ISYNA1: variants seen among roughly 807,000 people sequenced by gnomAD.
The protein encoded by ISYNA1 is MI-1-P synthase.
ISYNA1 carries 34 observed loss-of-function variants against 50.3 expected under a neutral mutation model. That is an observed-to-expected ratio of 0.68 (90% confidence interval 0.51 to 0.90). The LOEUF (loss-of-function observed/expected upper bound fraction) is 0.90. ISYNA1 is among the 40% of genes least tolerant of loss of function. The pLI is 0.00. For synonymous variants in ISYNA1, 396 were observed against 349.9 expected (o/e 1.13, Z -1.47); for missense variants, 718 against 784.8 (o/e 0.91, Z 1.02).
At position 18,438,098 on chromosome 19, in the gene ISYNA1, CAG is replaced by C. The variant is rs1263638488; in HGVS notation, c.-17_-16del. ...CTGCCCCGAACCGCACTCACCGGCG[CAG>C]AGTCGACTCAGGCAGCGGCGGCGGA... On this transcript the variant is annotated 5_prime_UTR_variant, in exon 1 of 11. Transcript: ENST00000338128. 9.0e-7 allele frequency: 1 copy of C among 1,109,808 alleles called. No homozygotes were observed. Among genetic ancestry groups the C allele is most frequent in the Non-Finnish European group, 1.2e-6 (1 of 826,868 alleles). 68.7% of individuals were successfully genotyped at this position (1,109,808 alleles called of 1,614,324 possible).
rs762837471 is a variant in ISYNA1, at chr19:18,434,873, C to T, written c.*40G>A. 8 of 1,553,538 alleles carry T rather than the reference C, an allele frequency of 5.1e-6. No homozygotes were observed. Among genetic ancestry groups the T allele is most frequent in the Non-Finnish European group, 4.4e-6 (5 of 1,128,174 alleles). ...GCCTTCAAGGTAGGGTCGTGGGGGGCAGCGGGGAGGAAGAGCCGAGAAACT... is the reference window on the plus strand; with the variant it reads ...GCCTTCAAGGTAGGGTCGTGGGGGGTAGCGGGGAGGAAGAGCCGAGAAACT... On this transcript the variant is annotated 3_prime_UTR_variant, in exon 11 of 11. Coordinates refer to ENST00000338128, the MANE Select transcript of ISYNA1 (RefSeq NM_016368.5).
At position 18,435,706 on chromosome 19, in the gene ISYNA1, C is replaced by T. The variant is rs1973971481; in HGVS notation, c.1141-30G>A. 1.9e-6 allele frequency: 3 copies of T among 1,611,106 alleles called. No individual in the cohort carries two copies. In the East Asian group the frequency reaches 6.7e-5, roughly 36 times the overall value. ...AGTGCAGCAGGAGTTTGCCCGGGTC[C>T]CTGCCACCCCTCGCCGGGCAACCCC... On this transcript the variant is annotated intron_variant, in intron 8 of 10. Transcript: ENST00000338128.
In ISYNA1 at chr19:18,434,912, C is replaced by T. The variant is rs1973887783; in HGVS notation, c.*1G>A. 6.2e-7 allele frequency: 1 copy of T among 1,611,954 alleles called. No homozygotes were observed. On this transcript the variant is annotated 3_prime_UTR_variant, in exon 11 of 11. Coordinates refer to ENST00000338128, the MANE Select transcript of ISYNA1 (RefSeq NM_016368.5). ...AGCCGAGAAACTGTGTGACCGGGGC[C>T]TCAGGTGGTGGGCATTGGGGGCTCC...
intron 8 of ISYNA1, 37 bp downstream of exon 8, chr19:18,435,720 C>A (rs1973973157): frequency 6.2e-7 from 1 of 1,610,554 alleles, no homozygotes; most frequent in African/African-American, 1.3e-5. Context: ...CCACCCCTCG[C>A]CGGGCAACCC....
In ISYNA1 at chr19:18,434,420, C is replaced by T. The variant is rs531981814; in HGVS notation, c.*493G>A. ...ACCATTTTATTAAAAACGCAAGGAC[C>T]TCAGAGACGTTCTTTTCTGTATGGA... On this transcript the variant is annotated 3_prime_UTR_variant, in exon 11 of 11. Transcript: ENST00000338128. 10 of 1,221,576 alleles carry T rather than the reference C, an allele frequency of 8.2e-6. No individual in the cohort carries two copies. Among genetic ancestry groups the T allele is most frequent in the Middle Eastern group, 2.9e-4 (1 of 3,482 alleles). 75.7% of individuals were successfully genotyped at this position (1,221,576 alleles called of 1,614,324 possible).
Position 18,434,933 on chromosome 19 carries a change from G to T in ISYNA1, c.1657C>A (p.Pro553Thr), listed in dbSNP as rs752559696. 17 of 1,612,998 alleles carry T rather than the reference G, an allele frequency of 1.1e-5. No individual in the cohort carries two copies. Among genetic ancestry groups the T allele is most frequent in the Middle Eastern group, 1.7e-4 (1 of 5,812 alleles). ...GGGCCTCAGGTGGTGGGCATTGGGG[G>T]CTCCTCTTGCAGATGCCCATTGGCA... ...GDANGHLQEE[P>T]PMPTT Residue 553 changes from proline to threonine, a missense_variant, in exon 11 of 11, where the codon CCC (proline) becomes ACC (threonine). Pro to Thr is a conservative substitution (Grantham distance 38, BLOSUM62 -1). Around this residue, in one of 3 missense-constraint regions of ISYNA1, gnomAD observed 305 missense variants for 292.6 expected, o/e 1.04. Transcript: ENST00000338128.
Position 18,435,632 on chromosome 19 carries a change from C to T in ISYNA1, c.1185G>A (p.Ala395=), listed in dbSNP as rs747699372. ...TCAGCTCCGAGGTATACTCATCCAG[C>T]GCGCGCTTGCTGTCACCCACGTACG... ...YVPYVGDSKR[A]LDEYTSELML... The change falls in exon 9 of 11, where the codon GCG becomes GCA. Residue 395 remains alanine (A), a synonymous_variant. Coordinates refer to ENST00000338128, the MANE Select transcript of ISYNA1 (RefSeq NM_016368.5). 6.2e-6 allele frequency: 10 copies of T among 1,611,164 alleles called. No homozygotes were observed. Among genetic ancestry groups the T allele is most frequent in the Admixed American group, 3.3e-5 (2 of 59,754 alleles).
Position 18,437,945 on chromosome 19 carries a change from G to C in ISYNA1, c.35C>G (p.Pro12Arg), listed in dbSNP as rs745925925. The change falls in exon 2 of 11, where the codon CCG becomes CGG. Residue 12 changes from proline to arginine, a missense_variant. Physicochemically the swap from Pro to Arg is moderately radical, Grantham distance 103 (BLOSUM62 -2). This residue lies in a region of ISYNA1 where 403 missense variants were observed against 466.6 expected (regional missense o/e 0.86). Transcript: ENST00000338128. ...EAAAQFFVES[P>R]DVVYGPEAIE... Reference sequence around the variant, plus strand: ...GGCCTCGGGGCCGTAGACCACGTCCGGGCTCTCGACGAAGAACTGGGCGGC... The same window carrying C: ...GGCCTCGGGGCCGTAGACCACGTCCCGGCTCTCGACGAAGAACTGGGCGGC... 32 of 1,604,474 alleles carry C rather than the reference G, an allele frequency of 2.0e-5. No individual in the cohort carries two copies. The highest frequency in any genetic ancestry group is 2.6e-5 in the Non-Finnish European group (31 of 1,176,762).
rs757692402 is a variant in ISYNA1, at chr19:18,435,794, G to T, written c.1103C>A (p.Pro368Gln). 6.2e-7 allele frequency: 1 copy of T among 1,613,690 alleles called. No individual in the cohort carries two copies. The highest frequency in any genetic ancestry group is 8.5e-7 in the Non-Finnish European group (1 of 1,179,928). The stretch of plus-strand genomic sequence containing the variant: ...CTCTTCGCCGGGCGTATAGAGCACT[G>T]GGTTGCTCTGCACCATGTCGTCCAC... ...NVVDDMVQSN[P>Q]VLYTPGEEPD... The change falls in exon 8 of 11, where the codon CCA (proline) becomes CAA (glutamine). Residue 368 changes from proline (P) to glutamine (Q), a missense_variant. Pro to Gln is a moderately conservative substitution (Grantham distance 76). Coordinates refer to ENST00000338128, the MANE Select transcript of ISYNA1 (RefSeq NM_016368.5).
In ISYNA1 at chr19:18,436,192, C is replaced by T; in HGVS notation, c.815G>A (p.Gly272Asp). 1 of 1,611,426 alleles carries T rather than the reference C, an allele frequency of 6.2e-7. No individual in the cohort carries two copies. Among genetic ancestry groups the T allele is most frequent in the African/African-American group, 1.3e-5 (1 of 75,076 alleles). Reference protein sequence around the residue: ...TLFAVASILEGCAFLNGSPQN... With the variant: ...TLFAVASILEDCAFLNGSPQN... ...CGGAGACCCATTGAGGAAGGCACAG[C>T]CCTCCAGGATGCTGGCCACGGCGAA... Residue 272 changes from glycine to aspartate, a missense_variant, in exon 7 of 11, where the codon GGC (glycine) becomes GAC (aspartate). Around this residue, in one of 3 missense-constraint regions of ISYNA1, gnomAD observed 403 missense variants for 466.6 expected, o/e 0.86. Transcript: ENST00000338128.
chr19:18,436,501 T>A, intron 5 of ISYNA1, 22 bp from the exon 6 acceptor site: 1 of 1,601,568 alleles, frequency 6.2e-7, no homozygotes, highest in Non-Finnish European at 8.5e-7. Flanking sequence ...ATGGTGAGGG[T>A]GTGGGGAGGA....
Position 18,434,478 on chromosome 19 carries a change from G to C in ISYNA1, c.*435C>G, listed in dbSNP as rs574934198. 213 of 889,168 alleles carry C rather than the reference G, an allele frequency of 2.4e-4. 2 individuals carry two copies. In the South Asian group the frequency reaches 5.2e-3, roughly 22 times the overall value. 55.1% of individuals were successfully genotyped at this position (889,168 alleles called of 1,614,324 possible). On this transcript the variant is annotated 3_prime_UTR_variant, in exon 11 of 11. Transcript: ENST00000338128. ...TGCCATTTGTATTTTGTCCCAGAGA[G>C]AAAGGCTCTTTGGGGGGCCCCTCTC...
rs1331905444 is a variant in ISYNA1, at chr19:18,436,042, G to A, written c.965C>T (p.Ser322Phe). The change falls in exon 7 of 11, where the codon TCC becomes TTC. Residue 322 changes from serine (S) to phenylalanine (F), a missense_variant. Ser to Phe is a radical substitution (Grantham distance 155, BLOSUM62 -2). This residue lies in a region of ISYNA1 where 403 missense variants were observed against 466.6 expected (regional missense o/e 0.86). Transcript: ENST00000338128. ...CCTAGGCCCACGCACCTTGAGGCCG[G>A]AGCCAATGAGGAAGTCCACAAGCAC... is the stretch of plus-strand genomic sequence containing the variant. ...KSVLVDFLIGSGLKTMSIVSY... is the reference protein window; with the variant it reads ...KSVLVDFLIGFGLKTMSIVSY... The A allele has an allele frequency of 6.2e-7, 1 of 1,613,404 alleles. No individual in the cohort carries two copies. The highest frequency in any genetic ancestry group is 1.1e-5 in the South Asian group (1 of 91,082).
intron 2 of ISYNA1, 48 bp downstream of exon 2, chr19:18,437,812 C>T: frequency 1.2e-6 from 2 of 1,606,350 alleles, no homozygotes; most frequent in Non-Finnish European, 1.7e-6. Flanking sequence ...TCTCCCCGAG[C>T]CGCCCCGCTC....
At chr19:18,435,183 A>G (rs1973916896) in intron 10 of ISYNA1, 66 bp from the exon 11 acceptor site, 5 of 1,596,302 alleles carry the variant, frequency 3.1e-6, no homozygotes. Context: ...TATCCCTGCC[A>G]CCTACAGCCC....
At chr19:18,436,289 A>G (rs757190038) in intron 6 of ISYNA1, 41 bp downstream of exon 6, 1 of 1,608,914 alleles carries the variant, frequency 6.2e-7, no homozygotes, top group Non-Finnish European at 8.5e-7. Context: ...TGTGTCTGTG[A>G]CTGGCCCTGC....
At chr19:18,437,492 C>CA in intron 3 of ISYNA1, 107 bp downstream of exon 3, 1 of 731,038 alleles carries the variant, frequency 1.4e-6, no homozygotes, top group Non-Finnish European at 1.9e-6. Context: ...ACCCCACCCC[C>CA]TACAGCCCCC....
Position 18,436,430 on chromosome 19 carries a change from A to C in ISYNA1, c.659T>G (p.Leu220Arg). Residue 220 changes from leucine to arginine, a missense_variant, in exon 6 of 11, where the codon CTG becomes CGG. Transcript: ENST00000338128. ...DIRDFRSSAG[L>R]DKVIVLWTAN... ...CGTCCACAGCACTATGACTTTGTCC[A>C]GCCCCGCGCTAGACCGGAAGTCTCG... is the stretch of plus-strand genomic sequence containing the variant. 1.2e-6 allele frequency: 2 copies of C among 1,610,124 alleles called. No individual in the cohort carries two copies. Among genetic ancestry groups the C allele is most frequent in the South Asian group, 1.1e-5 (1 of 91,072 alleles).
chr19:18,436,396 C>G lies in ISYNA1; in HGVS notation c.693G>C (p.Thr231=). The stretch of plus-strand genomic sequence containing the variant: ...CTGGAATCACCTCACAGAAGCGCTC[C>G]GTGTTCGCCGTCCACAGCACTATGA... ...DKVIVLWTAN[T]ERFCEVIPGL... The change falls in exon 6 of 11, where the codon ACG becomes ACC. Residue 231 remains threonine, a synonymous_variant. Coordinates refer to ENST00000338128, the MANE Select transcript of ISYNA1 (RefSeq NM_016368.5). The G allele has an allele frequency of 1.2e-6, 2 of 1,611,864 alleles. No individual in the cohort carries two copies. Among genetic ancestry groups the G allele is most frequent in the African/African-American group, 1.3e-5 (1 of 74,996 alleles).
Sources: gnomAD v4.1 joint callset for allele counts on GRCh38, gnomAD v4.1.1 for gene constraint, gnomAD v4.1.1 regional missense constraint, MANE v1.5 for transcripts, NCBI Gene and HGNC (gene_info 2026-07-23, HGNC 2026-07-21) for gene names.